The following KCNJ6 variants were observed in gnomAD, a reference collection of about 807,000 sequenced individuals.
The protein encoded by KCNJ6 is potassium inwardly rectifying channel subfamily J member 6.
KCNJ6 carries 9 observed loss-of-function variants against 34.2 expected under a neutral mutation model. The ratio of observed to expected loss-of-function variants is 0.26; its 90% CI spans 0.16 to 0.46. The LOEUF is 0.46. KCNJ6 is among the 20% of genes least tolerant of loss of function. KCNJ6 has a pLI of 1.00. For synonymous variants in KCNJ6, 196 were observed against 207.1 expected, an observed-to-expected ratio of 0.95 and a Z score of 0.46; for missense variants, 236 against 531.3, an observed-to-expected ratio of 0.44 and a Z score of 5.46.
At chr21:37,906,652 C>A (rs1310039646) in intron 1 of KCNJ6, among the ~76,000 whole-genome samples, 1 of 152,182 alleles carries the variant, frequency 6.6e-6, no homozygotes, top group Admixed American at 6.5e-5. Flanking sequence ...TTCATCAGCT[C>A]TGATGCCTCC....
chr21:37,729,084 C>T (rs915350409), intron 2 of KCNJ6, among the ~76,000 whole-genome samples: 7 of 152,116 alleles, frequency 4.6e-5, no homozygotes, highest in African/African-American at 1.7e-4. Context: ...GATCCTACAT[C>T]CCATGAGGAC....
chr21:37,611,538 C>T lies in KCNJ6; in HGVS notation c.*13621G>A, dbSNP rs1459435924. 6.6e-6 allele frequency: 1 copy of T among 152,172 alleles called. No individual in the cohort carries two copies. The highest frequency in any genetic ancestry group is 1.5e-5 in the Non-Finnish European group (1 of 68,020). 9.4% of individuals were successfully genotyped at this position (152,172 alleles called of 1,614,324 possible). A position where few individuals can be genotyped will look rare whatever the true frequency, so the allele number is the denominator to read the frequency against. On this transcript the variant is annotated 3_prime_UTR_variant, in exon 4 of 4. Coordinates refer to ENST00000609713, the MANE Select transcript of KCNJ6 (RefSeq NM_002240.5). ...ATACCAAAACCAGACAAAGACATTA[C>T]AAGAAAACTACAGACCAATACCTGT... is the stretch of plus-strand genomic sequence containing the variant.
intron 2 of KCNJ6, among the ~76,000 whole-genome samples, chr21:37,776,743 G>T (rs1323329558): frequency 1.3e-5 from 2 of 152,148 alleles, no homozygotes; most frequent in East Asian, 3.9e-4. Flanking sequence ...TGCTGGATTT[G>T]GTTTGCCAGT....
chr21:37,616,999 C>G lies in KCNJ6; in HGVS notation c.*8160G>C, dbSNP rs1271928066. Reference sequence around the variant, plus strand: ...CGATTTCTTTTCTCTTTCTTTCTTTCTCTTTCTTTTCTCTTTCTTTCTTTC... The same window carrying G: ...CGATTTCTTTTCTCTTTCTTTCTTTGTCTTTCTTTTCTCTTTCTTTCTTTC... On this transcript the variant is annotated 3_prime_UTR_variant, in exon 4 of 4. Coordinates refer to ENST00000609713, the MANE Select transcript of KCNJ6 (RefSeq NM_002240.5). 3 of 110,546 alleles carry G rather than the reference C, an allele frequency of 2.7e-5. No homozygotes were observed. Among genetic ancestry groups the G allele is most frequent in the Non-Finnish European group, 5.9e-5 (3 of 51,062 alleles). The allele number at this position is 110,546 out of a possible 1,614,324, so 6.8% of individuals were successfully genotyped here.
intron 2 of KCNJ6, chr21:37,719,369 TGAATCGCATC>T (rs2054812158): frequency 1.3e-5 from 2 of 152,202 alleles, no homozygotes; most frequent in Admixed American, 1.3e-4. Context: ...GCGGGGGATC[TGAATCGCATC>T]TCCAGGAGCA....
intron 2 of KCNJ6, among the ~76,000 whole-genome samples, chr21:37,742,432 T>C (rs962102578): frequency 6.6e-6 from 1 of 151,968 alleles, no homozygotes; most frequent in African/African-American, 2.4e-5. Context: ...TAATTAACTG[T>C]TTTTTTTGTT....
Position 37,871,487 on chromosome 21 carries a change from G to A in KCNJ6, c.-27-30778C>T, listed in dbSNP as rs145171892. On this transcript the variant is annotated intron_variant, in intron 1 of 3. Coordinates refer to ENST00000609713, the MANE Select transcript of KCNJ6 (RefSeq NM_002240.5). ...CAGGTGAAGGGCTAGAAGAGGGCCC[G>A]ATGAGGGCAGAGGCCAGCTCTACCC... Among the ~76,000 whole-genome samples, 129 of 152,346 alleles carry A rather than the reference G, an allele frequency of 8.5e-4. 1 individual carries two copies. The highest frequency in any genetic ancestry group is 4.7e-4 in the Non-Finnish European group (32 of 68,024).
chr21:37,658,330 T>C lies in KCNJ6; in HGVS notation c.947-32846A>G, dbSNP rs183558588. On this transcript the variant is annotated intron_variant, in intron 3 of 3. Transcript: ENST00000609713. Reference sequence around the variant, plus strand: ...GCTTGGATGAGAAAACTGAGGTTTCTTGGAAATGCCTACCCACGTGGGGGA... The same window carrying C: ...GCTTGGATGAGAAAACTGAGGTTTCCTGGAAATGCCTACCCACGTGGGGGA... Among the ~76,000 whole-genome samples the C allele has an allele frequency of 1.4e-3, 213 of 152,354 alleles. 1 individual carries two copies. Among genetic ancestry groups the C allele is most frequent in the Non-Finnish European group, 2.7e-3 (183 of 68,030 alleles).
At chr21:37,865,117 C>A (rs1381124935) in intron 1 of KCNJ6, among the ~76,000 whole-genome samples, 1 of 152,122 alleles carries the variant, frequency 6.6e-6, no homozygotes, top group Non-Finnish European at 1.5e-5. Context: ...AATCCTGACC[C>A]CAAACATAAT....
intron 2 of KCNJ6, among the ~76,000 whole-genome samples, chr21:37,793,597 G>T (rs1437383347): frequency 6.6e-6 from 1 of 150,532 alleles, no homozygotes; most frequent in Non-Finnish European, 1.5e-5. Flanking sequence ...AGCCTCTAAG[G>T]CTCCCTAAAT....
chr21:37,846,642 T>C (rs2055510148), intron 1 of KCNJ6, among the ~76,000 whole-genome samples: 1 of 152,162 alleles, frequency 6.6e-6, no homozygotes, highest in African/African-American at 2.4e-5. Context: ...CCGGTTATAT[T>C]TGCATCTCAG....
intron 3 of KCNJ6, among the ~76,000 whole-genome samples, chr21:37,668,967 C>G (rs1299334630): frequency 2.0e-5 from 3 of 152,148 alleles, no homozygotes. Context: ...TTTCCCCTTC[C>G]AGGCCCTCCC....
intron 2 of KCNJ6, among the ~76,000 whole-genome samples, chr21:37,791,039 A>G (rs1159531998): frequency 6.6e-6 from 1 of 152,154 alleles, no homozygotes; most frequent in African/African-American, 2.4e-5. Context: ...TTGTCTCACA[A>G]TCCAGCTGGG....
intron 2 of KCNJ6, among the ~76,000 whole-genome samples, chr21:37,745,035 G>A (rs997914605): frequency 2.0e-5 from 3 of 147,348 alleles, no homozygotes; most frequent in African/African-American, 7.4e-5. Flanking sequence ...GAACCAGGGA[G>A]ATAGTAGCAT....
chr21:37,822,730 C>T (rs2055379520), intron 2 of KCNJ6, among the ~76,000 whole-genome samples: 1 of 152,160 alleles, frequency 6.6e-6, no homozygotes, highest in South Asian at 2.1e-4. Flanking sequence ...GTAAAACCCA[C>T]TATTGGTCTC....
chr21:37,831,698 C>A (rs533515847), intron 2 of KCNJ6, among the ~76,000 whole-genome samples: 1 of 152,162 alleles, frequency 6.6e-6, no homozygotes, highest in Non-Finnish European at 1.5e-5. Flanking sequence ...AAAACCTGCA[C>A]CTGCCTCCAG....
intron 3 of KCNJ6, among the ~76,000 whole-genome samples, chr21:37,676,166 C>T (rs981607582): frequency 2.0e-5 from 3 of 151,852 alleles, no homozygotes; most frequent in East Asian, 1.9e-4. Flanking sequence ...GCACAGGGCA[C>T]GTCTGAGTGC....
chr21:37,898,365 A>G (rs1396067865), intron 1 of KCNJ6, among the ~76,000 whole-genome samples: 1 of 152,200 alleles, frequency 6.6e-6, no homozygotes, highest in Non-Finnish European at 1.5e-5. Context: ...TGGCTAGATC[A>G]CGAGGTCAGG....
At chr21:37,687,418 C>A (rs1157649673) in intron 3 of KCNJ6, among the ~76,000 whole-genome samples, 2 of 152,160 alleles carry the variant, frequency 1.3e-5, no homozygotes, top group Non-Finnish European at 2.9e-5. Flanking sequence ...ATAATTTAAG[C>A]TTTTTCTTCA....
Sources: allele counts gnomAD v4.1 joint callset (sites outside exome capture counted in the v4.1 genomes callset), GRCh38; gene constraint gnomAD v4.1.1; transcripts MANE v1.5; gene names NCBI Gene and HGNC (gene_info 2026-07-23, HGNC 2026-07-21).